The following DYNC1H1 variants were observed in gnomAD, a reference collection of about 807,000 sequenced individuals.
DYNC1H1 encodes cytoplasmic dynein 1 heavy chain 1.
Under a neutral mutation model 527.1 loss-of-function variants are expected in DYNC1H1, and 51 were observed. The observed-to-expected ratio is 0.10, with a 90% confidence interval of 0.08 to 0.12. The LOEUF (loss-of-function observed/expected upper bound fraction) is 0.12, where lower values mean the gene tolerates loss of function less well. Ranked by LOEUF, DYNC1H1 falls within the 10% of genes least tolerant of loss-of-function variation. The probability of loss-of-function intolerance (pLI) is 1.00; values close to 1 mark genes in which losing one functional copy is unlikely to be tolerated. For missense variants in DYNC1H1, 2,771 were observed against 5,971.8 expected, an observed-to-expected ratio of 0.46 and a Z score of 17.66; for synonymous variants, 2,189 against 2,278.8, an observed-to-expected ratio of 0.96 and a Z score of 1.12.
chr14:102,039,310 G>A lies in DYNC1H1; in HGVS notation c.11460+56G>A, dbSNP rs1160417135. ...GGCCCCGCACAGTAGCTCCTTGGCC[G>A]CACAGAGGCTGGCGGGCCCTGCACA... On this transcript the variant is annotated intron_variant, in intron 60 of 77. Coordinates refer to ENST00000360184, the MANE Select transcript of DYNC1H1 (RefSeq NM_001376.5). This position sits in a 1 kb window ranked among gnomAD's most constrained non-coding sequence, Gnocchi z 7.0. 2.6e-5 allele frequency: 42 copies of A among 1,611,038 alleles called. 1 individual carries two copies. The South Asian group carries it at 3.2e-4, about 12-fold the overall frequency.
intron 72 of DYNC1H1, among the ~76,000 whole-genome samples, chr14:102,046,178 A>G (rs532784964): frequency 1.8e-4 from 28 of 152,120 alleles, no homozygotes; most frequent in Middle Eastern, 3.4e-3. Flanking sequence ...AAAAAAAAAA[A>G]AAAAGAAATG....
At chr14:102,028,722 T>A (rs547684476) in intron 48 of DYNC1H1, 1 of 177,400 alleles carries the variant, frequency 5.6e-6, no homozygotes, top group African/African-American at 2.4e-5. Flanking sequence ...CTCCCACTGC[T>A]GCTGTATGTT....
chr14:102,017,538 C>G lies in DYNC1H1; in HGVS notation c.8177+34C>G, dbSNP rs771949644. ...GCTCGGTAGACTGCTCTGCTTCACA[C>G]ACGCACAGCTCCAGGATTGCTGTAA... On this transcript the variant is annotated intron_variant, in intron 40 of 77. Transcript: ENST00000360184. This position sits in a 1 kb window ranked among gnomAD's most constrained non-coding sequence, Gnocchi z 4.6. 1 of 1,609,830 alleles carries G rather than the reference C, an allele frequency of 6.2e-7. No individual in the cohort carries two copies. Among genetic ancestry groups the G allele is most frequent in the Admixed American group, 1.7e-5 (1 of 59,622 alleles).
In DYNC1H1 at chr14:102,010,798, C is replaced by T. The variant is rs1390255004; in HGVS notation, c.6464C>T (p.Pro2155Leu). The change falls in exon 32 of 78, where the codon CCG (proline) becomes CTG (leucine). Residue 2155 changes from proline (P) to leucine (L), a missense_variant. Transcript: ENST00000360184. The surrounding 1 kb of genome is among the most constrained non-coding windows in gnomAD (Gnocchi z 6.0). ...CCAAAGCTGGTGGCAGAGGACATCC[C>T]GCTGCTCTTCAGCCTCCTGTCGGAC... ...MVPKLVAEDI[P>L]LLFSLLSDVF... The T allele has an allele frequency of 6.2e-7, 1 of 1,613,980 alleles. No individual in the cohort carries two copies. Among genetic ancestry groups the T allele is most frequent in the Admixed American group, 1.7e-5 (1 of 60,024 alleles).
rs189370286 is a variant in DYNC1H1 at position 101,978,290 on chromosome 14, G to A, written c.345-1029G>A. Among the ~76,000 whole-genome samples the A allele has an allele frequency of 1.0e-3, 152 of 152,232 alleles. 1 individual carries two copies. The highest frequency in any genetic ancestry group is 3.4e-3 in the African/African-American group (140 of 41,532). On this transcript the variant is annotated intron_variant, in intron 2 of 77. Transcript: ENST00000360184. ...TTTTTGAAGTTATCCGCCTGCCTCGGCCTCCCAAAGTGCTGGGATTGCAGG... is the reference window on the plus strand; with the variant it reads ...TTTTTGAAGTTATCCGCCTGCCTCGACCTCCCAAAGTGCTGGGATTGCAGG...
rs757725348 is a variant in DYNC1H1 at position 102,033,982 on chromosome 14, C to A, written c.10420C>A (p.Arg3474=). Residue 3474 remains arginine (R), a synonymous_variant, in exon 55 of 78, where the codon CGG becomes AGG. Transcript: ENST00000360184. The surrounding 1 kb of genome is among the most constrained non-coding windows in gnomAD (Gnocchi z 5.6). ...DLAAVEAKVN[R]STALLKSLSA... Reference sequence around the variant, plus strand: ...TGTTCGGTTTTCCTTTTAGGTAAACCGGAGCACTGCTCTTCTGAAGAGCTT... The same window carrying A: ...TGTTCGGTTTTCCTTTTAGGTAAACAGGAGCACTGCTCTTCTGAAGAGCTT... The A allele has an allele frequency of 1.2e-5, 19 of 1,613,808 alleles. No homozygotes were observed. The South Asian group carries it at 2.0e-4, about 17-fold the overall frequency.
At chr14:102,013,087 A>G (rs1329485540) in intron 34 of DYNC1H1, among the ~76,000 whole-genome samples, 1 of 152,004 alleles carries the variant, frequency 6.6e-6, no homozygotes, top group Non-Finnish European at 1.5e-5. Flanking sequence ...ATCTCTACTA[A>G]AAATACAAAA....
intron 10 of DYNC1H1, among the ~76,000 whole-genome samples, chr14:101,989,882 C>T (rs764701641): frequency 3.9e-5 from 6 of 152,130 alleles, no homozygotes; most frequent in South Asian, 2.1e-4. Flanking sequence ...ATTGTGGTCC[C>T]GACGATTACA....
chr14:101,986,277 G>C lies in DYNC1H1; in HGVS notation c.2052G>C (p.Gln684His), dbSNP rs1462327866. Reference sequence around the variant, plus strand: ...ACGTGGAGGGGCAGAAGCTGAAGCAGGATGGAGACAGCTTCCGCATGAAGC... The same window carrying C: ...ACGTGGAGGGGCAGAAGCTGAAGCACGATGGAGACAGCTTCCGCATGAAGC... ...ENHVEGQKLKQDGDSFRMKLN... is the reference protein window; with the variant it reads ...ENHVEGQKLKHDGDSFRMKLN... The change falls in exon 8 of 78, where the codon CAG becomes CAC. Residue 684 changes from glutamine (Q) to histidine (H), a missense_variant. By Grantham distance (24) the Gln-to-His change is conservative (BLOSUM62 0). Around this residue, in one of 32 missense-constraint regions of DYNC1H1, gnomAD observed 264 missense variants for 619.4 expected, o/e 0.43. Transcript: ENST00000360184. This position sits in a 1 kb window ranked among gnomAD's most constrained non-coding sequence, Gnocchi z 8.7. 6.2e-7 allele frequency: 1 copy of C among 1,613,878 alleles called. No homozygotes were observed. The highest frequency in any genetic ancestry group is 1.7e-5 in the Admixed American group (1 of 59,964).
intron 34 of DYNC1H1, among the ~76,000 whole-genome samples, chr14:102,013,610 G>A (rs1162616725): frequency 1.3e-5 from 2 of 152,128 alleles, no homozygotes; most frequent in Non-Finnish European, 2.9e-5. Context: ...GAGAGGAAAC[G>A]AGCCAGGTCA....
chr14:101,972,764 G>C (rs2047754464), intron 1 of DYNC1H1, among the ~76,000 whole-genome samples: 1 of 152,218 alleles, frequency 6.6e-6, no homozygotes, highest in Non-Finnish European at 1.5e-5. Context: ...AGTTGCGTCA[G>C]TGATTTCCTT....
chr14:102,036,697 T>C lies in DYNC1H1; in HGVS notation c.10908+55T>C. The stretch of plus-strand genomic sequence containing the variant: ...ACTGCATTCAAGAGTGAATTCCTTT[T>C]TGGGGGCTGCCTTTAGTTTTCAACT... On this transcript the variant is annotated intron_variant, in intron 57 of 77. Coordinates refer to ENST00000360184, the MANE Select transcript of DYNC1H1 (RefSeq NM_001376.5). The surrounding 1 kb of genome is among the most constrained non-coding windows in gnomAD (Gnocchi z 5.6). The C allele has an allele frequency of 6.2e-7, 1 of 1,610,112 alleles. No individual in the cohort carries two copies. Among genetic ancestry groups the C allele is most frequent in the Non-Finnish European group, 8.5e-7 (1 of 1,177,444 alleles).
rs1218098628 is a variant in DYNC1H1, at chr14:102,015,356, TATC to T, written c.7242+27_7242+29del. 1.3e-6 allele frequency: 2 copies of T among 1,591,270 alleles called. No homozygotes were observed. Among genetic ancestry groups the T allele is most frequent in the East Asian group, 2.3e-5 (1 of 44,020 alleles). The stretch of plus-strand genomic sequence containing the variant: ...AGGTACGCCCAGGTGGGACCCCACA[TATC>T]ATGACCTGAGGGTGCTAGGATATTC... On this transcript the variant is annotated intron_variant, in intron 35 of 77. Transcript: ENST00000360184. This position sits in a 1 kb window ranked among gnomAD's most constrained non-coding sequence, Gnocchi z 6.9.
At position 102,050,701 on chromosome 14, in the gene DYNC1H1, G is replaced by A. The variant is rs905484310; in HGVS notation, c.*138G>A. On this transcript the variant is annotated 3_prime_UTR_variant, in exon 78 of 78. Coordinates refer to ENST00000360184, the MANE Select transcript of DYNC1H1 (RefSeq NM_001376.5). The stretch of plus-strand genomic sequence containing the variant: ...TGGAGGAAGCTGAATGGAATCTGAC[G>A]GTTGGGAGTGGTGGAAATTGGAAGG... 69 of 1,370,776 alleles carry A rather than the reference G, an allele frequency of 5.0e-5. No homozygotes were observed. The highest frequency in any genetic ancestry group is 4.1e-4 in the East Asian group (17 of 41,426). The allele number at this position is 1,370,776 out of a possible 1,614,324, so 84.9% of individuals were successfully genotyped here.
chr14:102,023,512 G>T, intron 43 of DYNC1H1: 1 of 171,454 alleles, frequency 5.8e-6, no homozygotes, highest in Non-Finnish European at 1.3e-5. Flanking sequence ...TCGCGCCATT[G>T]CACTGCAGCC....
chr14:102,046,309 T>C (rs144692679), intron 72 of DYNC1H1, among the ~76,000 whole-genome samples: 3,146 of 152,304 alleles, frequency 0.021, 48 homozygotes, highest in South Asian at 0.043. Context: ...AAATCTCAAC[T>C]TTTTCTTATG....
chr14:102,022,942 G>A (rs578252722), intron 43 of DYNC1H1, 62 bp downstream of exon 43: 29 of 1,610,542 alleles, frequency 1.8e-5, no homozygotes, highest in Middle Eastern at 3.3e-4. Flanking sequence ...TAACACTAAC[G>A]AATTCTAACG....
In DYNC1H1 at chr14:102,041,414, CG is replaced by C; in HGVS notation, c.11942-158del. ...CTCACAGGCGTGTCCAGAGGGCTCA[CG>C]GAAGGCACAGCAGATGTGGCTGAAT... On this transcript the variant is annotated intron_variant, in intron 64 of 77. Coordinates refer to ENST00000360184, the MANE Select transcript of DYNC1H1 (RefSeq NM_001376.5). The surrounding 1 kb of genome is among the most constrained non-coding windows in gnomAD (Gnocchi z 4.5). 8.7e-7 allele frequency: 1 copy of C among 1,153,158 alleles called. No homozygotes were observed. Among genetic ancestry groups the C allele is most frequent in the Non-Finnish European group, 1.3e-6 (1 of 780,390 alleles). The allele number at this position is 1,153,158 out of a possible 1,614,324, so 71.4% of individuals were successfully genotyped here. A position where few individuals can be genotyped will look rare whatever the true frequency, so the allele number is the denominator to read the frequency against.
intron 23 of DYNC1H1, among the ~76,000 whole-genome samples, chr14:102,004,023 C>G (rs1429983731): frequency 6.6e-6 from 1 of 151,770 alleles, no homozygotes; most frequent in Non-Finnish European, 1.5e-5. Context: ...GGGCGGATCA[C>G]GAGGTCAGGA....
Sources: gnomAD v4.1 joint callset for allele counts (sites outside exome capture counted in the v4.1 genomes callset) on GRCh38, gnomAD v4.1.1 for gene constraint, gnomAD v4.1.1 regional missense constraint, Gnocchi (gnomAD v3.1) non-coding constraint, MANE v1.5 for transcripts, NCBI Gene and HGNC (gene_info 2026-07-23, HGNC 2026-07-21) for gene names.